FBN1: variants seen among roughly 807,000 people sequenced by gnomAD.
FBN1 encodes fibrillin 1.
Under a neutral mutation model 365.1 loss-of-function variants are expected in FBN1, and 29 were observed. The observed-to-expected ratio is 0.08, with a 90% confidence interval of 0.06 to 0.11. The LOEUF (loss-of-function observed/expected upper bound fraction) is 0.11, where lower values mean the gene tolerates loss of function less well. Ranked by LOEUF, FBN1 falls within the 10% of genes least tolerant of loss-of-function variation. The pLI is 1.00. For synonymous variants in FBN1, 1,210 were observed against 1,270.5 expected (o/e 0.95, Z 1.01); for missense variants, 2,476 against 3,703.2 (o/e 0.67, Z 8.60).
rs3074871 is a variant in FBN1, at chr15:48,435,750, ATG to A, written c.6497-1039_6497-1038del. ...TGTGTATATATATGTGTGTATATATATGTGTGTATATATATGTGTATATGTGT... is the reference window on the plus strand; with the variant it reads ...TGTGTATATATATGTGTGTATATATATGTGTATATATATGTGTATATGTGT... On this transcript the variant is annotated intron_variant, in intron 53 of 65. Transcript: ENST00000316623. 6.1e-3 allele frequency among the ~76,000 whole-genome samples: 518 copies of A among 84,774 alleles called. 1 individual carries two copies. The highest frequency in any genetic ancestry group is 0.01 in the South Asian group (21 of 2,100). The allele number at this position is 84,774 out of a possible 152,430, so 55.6% of individuals were successfully genotyped here. A position where few individuals can be genotyped will look rare whatever the true frequency, so the allele number is the denominator to read the frequency against.
intron 8 of FBN1, among the ~76,000 whole-genome samples, chr15:48,532,440 ATATG>A (rs1251731918): frequency 6.6e-6 from 1 of 152,002 alleles, no homozygotes; most frequent in Non-Finnish European, 1.5e-5. Context: ...GTATATAGAT[ATATG>A]TGTGTCTATA....
intron 38 of FBN1, 77 bp from the exon 39 acceptor site, chr15:48,465,935 A>G (rs55694948): frequency 1.1e-6 from 1 of 941,504 alleles, no homozygotes; most frequent in Non-Finnish European, 1.7e-6. Flanking sequence ...AGAAATACTC[A>G]CATATCCAAC....
At chr15:48,587,047 A>C (rs2044441748) in intron 6 of FBN1, among the ~76,000 whole-genome samples, 1 of 152,208 alleles carries the variant, frequency 6.6e-6, no homozygotes, top group Admixed American at 6.5e-5. Flanking sequence ...CATGGGATGG[A>C]GTTTCCAAAA....
In FBN1 at chr15:48,593,219, C is replaced by T. The variant is rs190942885; in HGVS notation, c.538+3064G>A. Among the ~76,000 whole-genome samples, 502 of 152,192 alleles carry T rather than the reference C, an allele frequency of 3.3e-3. 1 individual carries two copies. The highest frequency in any genetic ancestry group is 7.3e-3 in the Admixed American group (111 of 15,286). ...TGTGATACAAATCCTGCCAGTATGA[C>T]CCCCAAAGGCGTATTTCACACTCAT... On this transcript the variant is annotated intron_variant, in intron 6 of 65. Transcript: ENST00000316623.
intron 2 of FBN1, among the ~76,000 whole-genome samples, chr15:48,634,567 C>T (rs1276622342): frequency 6.6e-6 from 1 of 152,110 alleles, no homozygotes; most frequent in South Asian, 2.1e-4. Flanking sequence ...CTTTCTCCTT[C>T]CTTCCCCTAA....
At chr15:48,626,092 CA>C (rs1253744812) in intron 2 of FBN1, among the ~76,000 whole-genome samples, 2 of 151,576 alleles carry the variant, frequency 1.3e-5, no homozygotes, top group Non-Finnish European at 2.9e-5. Flanking sequence ...TCTATATCTT[CA>C]AAAAAATTTT....
intron 53 of FBN1, among the ~76,000 whole-genome samples, chr15:48,435,738 G>GTGTGTATATATATGTGTGTATATATA (rs1216133085): frequency 9.7e-6 from 1 of 103,164 alleles, no homozygotes; most frequent in African/African-American, 8.1e-5. Context: ...GTATATATAT[G>GTGTGTATATATATGTGTGTATATATA]TGTGTATATA....
intron 32 of FBN1, among the ~76,000 whole-genome samples, chr15:48,480,384 T>C (rs1197970686): frequency 6.6e-6 from 1 of 152,120 alleles, no homozygotes; most frequent in East Asian, 1.9e-4. Flanking sequence ...GCTTGAACCA[T>C]AGACATACAA....
At chr15:48,588,328 T>C (rs780527381) in intron 6 of FBN1, among the ~76,000 whole-genome samples, 10 of 152,238 alleles carry the variant, frequency 6.6e-5, no homozygotes, top group Non-Finnish European at 1.3e-4. Context: ...TACTTTTTCA[T>C]GTGGCTACAA....
At chr15:48,557,531 C>T (rs2437948) in intron 6 of FBN1, among the ~76,000 whole-genome samples, 52,046 of 152,044 alleles carry the variant, frequency 0.34, 10,407 homozygotes, top group African/African-American at 0.56. Context: ...CCAGAAGGGT[C>T]TGTCTAAAGC....
intron 34 of FBN1, among the ~76,000 whole-genome samples, chr15:48,473,071 A>C (rs1430451695): frequency 6.6e-6 from 1 of 152,232 alleles, no homozygotes; most frequent in Admixed American, 6.5e-5. Context: ...GAGAAGAAAA[A>C]TTCCATCTGC....
chr15:48,608,874 T>G (rs2044634368), intron 4 of FBN1, among the ~76,000 whole-genome samples: 1 of 152,212 alleles, frequency 6.6e-6, no homozygotes, highest in Non-Finnish European at 1.5e-5. Flanking sequence ...TCTCCACATC[T>G]CATGATTTCT....
intron 32 of FBN1, among the ~76,000 whole-genome samples, chr15:48,480,761 T>C (rs1203485173): frequency 6.6e-6 from 1 of 152,174 alleles, no homozygotes; most frequent in Non-Finnish European, 1.5e-5. Flanking sequence ...TCATAAGAGC[T>C]TGCCAAACTG....
intron 22 of FBN1, 148 bp from the exon 23 acceptor site, chr15:48,494,402 T>A (rs1261219329): frequency 1.2e-5 from 8 of 685,618 alleles, no homozygotes; most frequent in Non-Finnish European, 2.1e-5. Context: ...TAACAAAATG[T>A]TTCTGCGATT....
At chr15:48,508,546 C>A in intron 15 of FBN1, 36 bp downstream of exon 15, 2 of 1,613,020 alleles carry the variant, frequency 1.2e-6, no homozygotes, top group Non-Finnish European at 1.7e-6. Context: ...AGAAAAGGCA[C>A]GTGAAGAACA....
chr15:48,610,266 A>G (rs2140733280), intron 4 of FBN1, among the ~76,000 whole-genome samples: 1 of 152,354 alleles, frequency 6.6e-6, no homozygotes, highest in South Asian at 2.1e-4. Flanking sequence ...AATCACCCCC[A>G]GAAACTTCCA....
At chr15:48,463,573 G>A (rs974794302) in intron 41 of FBN1, among the ~76,000 whole-genome samples, 28 of 152,170 alleles carry the variant, frequency 1.8e-4, no homozygotes, top group Admixed American at 1.5e-3. Flanking sequence ...TCTCGTTTCC[G>A]ACTCGTGATG....
Position 48,645,375 on chromosome 15 carries a change from G to C in FBN1, c.-182+200C>G, listed in dbSNP as rs975095431. Among the ~76,000 whole-genome samples the C allele has an allele frequency of 2.6e-5, 4 of 152,266 alleles. No homozygotes were observed. In the East Asian group the frequency reaches 7.8e-4, roughly 30 times the overall value. ...TGCCACCGCCCCCCGAACATCTGACGCGGAGCCCGGCACCAAGAGCCCCGG... is the reference window on the plus strand; with the variant it reads ...TGCCACCGCCCCCCGAACATCTGACCCGGAGCCCGGCACCAAGAGCCCCGG... On this transcript the variant is annotated intron_variant, in intron 1 of 65. Coordinates refer to ENST00000316623, the MANE Select transcript of FBN1 (RefSeq NM_000138.5).
chr15:48,478,782 T>C (rs1217713285), intron 32 of FBN1, among the ~76,000 whole-genome samples: 2 of 152,166 alleles, frequency 1.3e-5, no homozygotes, highest in East Asian at 3.9e-4. Flanking sequence ...CCTTAGCATC[T>C]GTGTGGGCTG....
Sources: allele counts gnomAD v4.1 joint callset (sites outside exome capture counted in the v4.1 genomes callset), GRCh38; gene constraint gnomAD v4.1.1; transcripts MANE v1.5; gene names NCBI Gene and HGNC (gene_info 2026-07-23, HGNC 2026-07-21).